NRXN3: variants seen among roughly 807,000 people sequenced by gnomAD.
NRXN3 encodes neurexin III.
NRXN3 carries 32 observed loss-of-function variants against 137.6 expected under a neutral mutation model. The observed-to-expected ratio is 0.23, with a 90% CI of 0.18 to 0.31. The LOEUF is 0.31. Among genes scored for constraint, NRXN3 ranks in the 10% least tolerant of loss-of-function variants. NRXN3 has a pLI of 1.00. For synonymous variants in NRXN3, 798 were observed against 784.5 expected (o/e 1.02, Z -0.29); for missense variants, 1,574 against 2,062.5 (o/e 0.76, Z 4.59).
In NRXN3 at chr14:78,421,564, T is replaced by G. The variant is rs116911159; in HGVS notation, c.757+123704T>G. ...GACTATTTCTTTCTTTAAAGTACTT[T>G]CTTGATTTTTTTAAGTCAGTATATC... On this transcript the variant is annotated intron_variant, in intron 4 of 20. Transcript: ENST00000335750. 2.0e-3 allele frequency among the ~76,000 whole-genome samples: 303 copies of G among 152,296 alleles called. 1 individual carries two copies. The highest frequency in any genetic ancestry group is 8.3e-3 in the South Asian group (40 of 4,822).
Position 78,709,638 on chromosome 14 carries a change from A to T in NRXN3, c.1643A>T (p.Gln548Leu), listed in dbSNP as rs1454845885. The T allele has an allele frequency of 2.5e-6, 4 of 1,611,434 alleles. No individual in the cohort carries two copies. The highest frequency in any genetic ancestry group is 3.4e-6 in the Non-Finnish European group (4 of 1,179,128). ...GGGGAATGGTACCATGTGGACATTC[A>T]GCGAGATGGCAGATCAGGTAGGAAG... ...NDGEWYHVDI[Q>L]RDGRSGTISV... is the part of the protein sequence containing the mutation. Residue 548 changes from glutamine to leucine, a missense_variant, in exon 7 of 21, where the codon CAG becomes CTG. Physicochemically the swap from Gln to Leu is moderately radical, Grantham distance 113 (BLOSUM62 -2). Transcript: ENST00000335750.
chr14:78,387,544 G>A (rs916891756), intron 4 of NRXN3, among the ~76,000 whole-genome samples: 1 of 152,176 alleles, frequency 6.6e-6, no homozygotes, highest in African/African-American at 2.4e-5. Flanking sequence ...ATTGCTACAT[G>A]TGAAGTGTGA....
At chr14:78,330,502 A>G (rs1350736251) in intron 4 of NRXN3, among the ~76,000 whole-genome samples, 3 of 152,166 alleles carry the variant, frequency 2.0e-5, no homozygotes, top group African/African-American at 7.2e-5. Context: ...TCTTTCTCAG[A>G]CAATTAGTAG....
intron 15 of NRXN3, among the ~76,000 whole-genome samples, chr14:79,024,222 A>G (rs776239493): frequency 6.6e-6 from 1 of 152,048 alleles, no homozygotes; most frequent in Non-Finnish European, 1.5e-5. Context: ...CTGAAACACC[A>G]TATTCTATAA....
chr14:79,365,172 G>C (rs2153424704), intron 15 of NRXN3, among the ~76,000 whole-genome samples: 1 of 152,200 alleles, frequency 6.6e-6, no homozygotes, highest in Non-Finnish European at 1.5e-5. Context: ...CTGGGTGGTA[G>C]AGAATTCTGA....
chr14:79,295,948 A>T (rs2084028385), intron 15 of NRXN3, among the ~76,000 whole-genome samples: 3 of 152,032 alleles, frequency 2.0e-5, no homozygotes, highest in Non-Finnish European at 4.4e-5. Context: ...TCAGTCTTCT[A>T]CTGTTTTCCA....
chr14:78,942,415 A>G (rs1227726750), intron 10 of NRXN3, among the ~76,000 whole-genome samples: 3 of 152,224 alleles, frequency 2.0e-5, no homozygotes, highest in Non-Finnish European at 4.4e-5. Context: ...TCTGGAGCCC[A>G]TATGTCAGAC....
chr14:78,395,059 A>G (rs2091289802), intron 4 of NRXN3, among the ~76,000 whole-genome samples: 2 of 151,160 alleles, frequency 1.3e-5, no homozygotes, highest in Non-Finnish European at 3.0e-5. Flanking sequence ...TTTTACTTTC[A>G]TTAGTTGTTG....
intron 17 of NRXN3, among the ~76,000 whole-genome samples, chr14:79,664,671 C>A (rs1295392680): frequency 6.6e-6 from 1 of 152,108 alleles, no homozygotes; most frequent in Non-Finnish European, 1.5e-5. Context: ...AGGTTGCCTT[C>A]CTTAAAAGAG....
chr14:79,424,205 G>C (rs576676098), intron 15 of NRXN3, among the ~76,000 whole-genome samples: 2 of 152,136 alleles, frequency 1.3e-5, no homozygotes, highest in East Asian at 1.9e-4. Context: ...ATGGGATTGT[G>C]AGAGATTGCT....
At chr14:79,009,672 C>G (rs2099567810) in intron 15 of NRXN3, among the ~76,000 whole-genome samples, 1 of 152,132 alleles carries the variant, frequency 6.6e-6, no homozygotes, top group Non-Finnish European at 1.5e-5. Context: ...CCATTTTTGG[C>G]TGCTGTGATT....
intron 16 of NRXN3, among the ~76,000 whole-genome samples, chr14:79,562,585 T>G (rs958777112): frequency 6.6e-6 from 1 of 152,188 alleles, no homozygotes; most frequent in African/African-American, 2.4e-5. Flanking sequence ...GTTTTACACC[T>G]ACATCCCTAT....
chr14:78,803,431 G>A (rs941566563), intron 8 of NRXN3, among the ~76,000 whole-genome samples, 189 bp from the exon 9 acceptor site: 1 of 152,168 alleles, frequency 6.6e-6, no homozygotes, highest in African/African-American at 2.4e-5. Context: ...AGGAAATAGA[G>A]CCTCAGAGGT....
At chr14:79,412,060 A>T (rs2095424700) in intron 15 of NRXN3, among the ~76,000 whole-genome samples, 1 of 152,096 alleles carries the variant, frequency 6.6e-6, no homozygotes, top group Non-Finnish European at 1.5e-5. Flanking sequence ...CCTTATGGTG[A>T]TGGTGGTTAA....
intron 1 of NRXN3, among the ~76,000 whole-genome samples, chr14:78,174,957 G>A (rs1882818): frequency 0.16 from 24,642 of 152,150 alleles, 2,545 homozygotes; most frequent in Middle Eastern, 0.23. Context: ...CTGAGCTCGG[G>A]AGGGTGGTCT....
chr14:78,451,081 A>G (rs960440845), intron 4 of NRXN3, among the ~76,000 whole-genome samples: 1 of 152,112 alleles, frequency 6.6e-6, no homozygotes, highest in African/African-American at 2.4e-5. Flanking sequence ...CAGCTGGTTT[A>G]TAGGGCCTGT....
At chr14:78,544,644 T>C (rs1051542927) in intron 4 of NRXN3, among the ~76,000 whole-genome samples, 5 of 152,256 alleles carry the variant, frequency 3.3e-5, no homozygotes, top group Non-Finnish European at 7.3e-5. Context: ...CAGGGTCCCA[T>C]AGTTAATAGA....
intron 10 of NRXN3, among the ~76,000 whole-genome samples, chr14:78,936,518 C>T (rs1418436622): frequency 6.6e-6 from 1 of 152,058 alleles, no homozygotes; most frequent in Non-Finnish European, 1.5e-5. Context: ...ACCCTGGCTG[C>T]TAGAGGAGCA....
intron 19 of NRXN3, among the ~76,000 whole-genome samples, chr14:79,736,404 G>A (rs569077398): frequency 1.3e-5 from 2 of 152,304 alleles, no homozygotes; most frequent in African/African-American, 2.4e-5. Context: ...TATTAGGCTT[G>A]TAGAAATGGA....
Sources: allele counts gnomAD v4.1 joint callset (sites outside exome capture counted in the v4.1 genomes callset), GRCh38; gene constraint gnomAD v4.1.1; transcripts MANE v1.5; gene names NCBI Gene and HGNC (gene_info 2026-07-23, HGNC 2026-07-21).